Variants in BICRAL observed in about 807,000 individuals in gnomAD.
The protein encoded by BICRAL is BRD4-interacting chromatin-remodeling complex-associated protein-like.
In BICRAL, 8 loss-of-function variants were observed where a neutral mutation model predicts 91.8. That is an observed-to-expected ratio of 0.09 (90% CI 0.05 to 0.16). The LOEUF (loss-of-function observed/expected upper bound fraction) is 0.16. Among genes scored for constraint, BICRAL ranks in the 10% least tolerant of loss-of-function variants. The pLI is 1.00. For missense variants in BICRAL, 1,038 were observed against 1,310.9 expected (o/e 0.79, Z 3.21); for synonymous variants, 445 against 491.1 (o/e 0.91, Z 1.24).
chr6:42,851,920 A>G (rs1375810405), intron 6 of BICRAL, among the ~76,000 whole-genome samples, 172 bp from the exon 7 acceptor site: 1 of 152,204 alleles, frequency 6.6e-6, no homozygotes, highest in Non-Finnish European at 1.5e-5. Context: ...TAAAGGATGT[A>G]CTTTGCAGTT....
At chr6:42,771,496 G>GA (rs1762733047) in intron 1 of BICRAL, among the ~76,000 whole-genome samples, 1 of 151,456 alleles carries the variant, frequency 6.6e-6, no homozygotes, top group African/African-American at 2.4e-5. Flanking sequence ...GGGTGGCGGG[G>GA]GGTGGTGGGG....
chr6:42,849,720 T>C (rs1271825038), intron 6 of BICRAL, among the ~76,000 whole-genome samples: 4 of 151,036 alleles, frequency 2.6e-5, no homozygotes. Flanking sequence ...ATTACAGGCA[T>C]GAGCCACTGC....
chr6:42,854,609 C>G (rs1443037948), intron 8 of BICRAL, among the ~76,000 whole-genome samples: 2 of 152,158 alleles, frequency 1.3e-5, no homozygotes, highest in Non-Finnish European at 2.9e-5. Flanking sequence ...CCTCGATCAC[C>G]TGGGCTCATG....
At chr6:42,798,200 G>A (rs1382118331) in intron 1 of BICRAL, among the ~76,000 whole-genome samples, 2 of 152,050 alleles carry the variant, frequency 1.3e-5, no homozygotes, top group African/African-American at 4.8e-5. Flanking sequence ...GGGGTAGGGA[G>A]GGAGGGAAGT....
chr6:42,855,050 A>C (rs1581634943), intron 8 of BICRAL, among the ~76,000 whole-genome samples: 2 of 152,340 alleles, frequency 1.3e-5, no homozygotes, highest in East Asian at 3.9e-4. Flanking sequence ...CCTGGAATAC[A>C]CAGTGAAGGA....
chr6:42,815,231 C>T (rs1323274495), intron 2 of BICRAL, among the ~76,000 whole-genome samples: 1 of 147,104 alleles, frequency 6.8e-6, no homozygotes. Context: ...GCTCTGTTGC[C>T]CAGGCTAGAG....
chr6:42,858,805 G>C (rs150839427), intron 10 of BICRAL, among the ~76,000 whole-genome samples: 2 of 151,902 alleles, frequency 1.3e-5, no homozygotes, highest in Non-Finnish European at 2.9e-5. Flanking sequence ...CAACAAGAGC[G>C]AAACTCCATC....
At chr6:42,789,495 A>G (rs1182366198) in intron 1 of BICRAL, among the ~76,000 whole-genome samples, 1 of 152,084 alleles carries the variant, frequency 6.6e-6, no homozygotes, top group African/African-American at 2.4e-5. Context: ...CAAAGAAAAT[A>G]GCCAGGCATG....
In BICRAL at chr6:42,829,933, A is replaced by G. The variant is rs1582852322; in HGVS notation, c.1600A>G (p.Met534Val). The G allele has an allele frequency of 1.2e-6, 2 of 1,614,234 alleles. No individual in the cohort carries two copies. The highest frequency in any genetic ancestry group is 2.2e-5 in the East Asian group (1 of 44,888). The stretch of plus-strand genomic sequence containing the variant: ...CGCCACCATGCCATCGGTGACAAGC[A>G]TGTCAGGACCTAGTCGGTTCCCTGC... ...GFATMPSVTS[M>V]SGPSRFPAVS... The change falls in exon 6 of 13, where the codon ATG becomes GTG. Residue 534 changes from methionine to valine, a missense_variant. By Grantham distance (21) the Met-to-Val change is conservative (BLOSUM62 1). Coordinates refer to ENST00000314073, the MANE Select transcript of BICRAL (RefSeq NM_001393499.1).
intron 1 of BICRAL, among the ~76,000 whole-genome samples, chr6:42,755,066 G>A (rs1160048986): frequency 6.6e-6 from 1 of 152,244 alleles, no homozygotes; most frequent in Non-Finnish European, 1.5e-5. Flanking sequence ...AAAGCAGACA[G>A]TGAGGTCTCA....
chr6:42,850,891 ATTTAAAAGCCC>A (rs1342949762), intron 6 of BICRAL, among the ~76,000 whole-genome samples: 2 of 151,022 alleles, frequency 1.3e-5, no homozygotes, highest in African/African-American at 4.9e-5. Context: ...ACTGAGGGTA[ATTTAAAAGCCC>A]TTTATTGGCT....
At chr6:42,812,789 T>A (rs888320699) in intron 2 of BICRAL, among the ~76,000 whole-genome samples, 1 of 152,120 alleles carries the variant, frequency 6.6e-6, no homozygotes, top group African/African-American at 2.4e-5. Flanking sequence ...CCCAGCACTT[T>A]AGGAGGCCAA....
At chr6:42,810,913 T>C (rs1330370557) in intron 2 of BICRAL, among the ~76,000 whole-genome samples, 1 of 152,156 alleles carries the variant, frequency 6.6e-6, no homozygotes, top group Non-Finnish European at 1.5e-5. Flanking sequence ...GAGAAAACTG[T>C]ATAAACAATT....
chr6:42,860,443 G>C (rs1425564499), intron 11 of BICRAL, 87 bp downstream of exon 11: 1 of 756,726 alleles, frequency 1.3e-6, no homozygotes, highest in African/African-American at 1.8e-5. Context: ...AGGAATTATA[G>C]AATATAATGT....
Position 42,829,291 on chromosome 6 carries a change from A to C in BICRAL, c.958A>C (p.Met320Leu), listed in dbSNP as rs1482588619. 1 of 1,614,124 alleles carries C rather than the reference A, an allele frequency of 6.2e-7. No individual in the cohort carries two copies. Among genetic ancestry groups the C allele is most frequent in the East Asian group, 2.2e-5 (1 of 44,900 alleles). Residue 320 changes from methionine to leucine, a missense_variant, in exon 6 of 13, where the codon ATG becomes CTG. Met to Leu is a conservative substitution (Grantham distance 15). Transcript: ENST00000314073. The part of the protein sequence containing the change: ...PINIQPKPIQ[M>L]GQQNTYNVNN... ...TAATATACAGCCAAAGCCTATCCAG[A>C]TGGGTCAGCAAAATACATACAATGT...
At chr6:42,804,509 C>T (rs1001828083) in intron 1 of BICRAL, among the ~76,000 whole-genome samples, 19 of 152,156 alleles carry the variant, frequency 1.2e-4, no homozygotes, top group African/African-American at 4.6e-4. Flanking sequence ...AAGGCAGTGT[C>T]ATTTTACTCA....
At chr6:42,817,395 GT>G (rs1764023559) in intron 2 of BICRAL, among the ~76,000 whole-genome samples, 2 of 151,434 alleles carry the variant, frequency 1.3e-5, no homozygotes, top group Non-Finnish European at 1.5e-5. Context: ...TTTTAAGAGA[GT>G]TTTTTAAATT....
At chr6:42,834,261 G>A (rs1473801268) in intron 6 of BICRAL, among the ~76,000 whole-genome samples, 1 of 152,234 alleles carries the variant, frequency 6.6e-6, no homozygotes, top group African/African-American at 2.4e-5. Flanking sequence ...TGCTCAGGAT[G>A]TGAATTTGTC....
intron 1 of BICRAL, among the ~76,000 whole-genome samples, chr6:42,794,332 G>C (rs1428494981): frequency 1.3e-5 from 2 of 151,794 alleles, no homozygotes; most frequent in African/African-American, 4.8e-5. Context: ...TTAAAAAAAA[G>C]GCTCAAGTGC....
Sources: allele counts gnomAD v4.1 joint callset (sites outside exome capture counted in the v4.1 genomes callset), GRCh38; gene constraint gnomAD v4.1.1; transcripts MANE v1.5; gene names NCBI Gene and HGNC (gene_info 2026-07-23, HGNC 2026-07-21).